ATG7: variants seen among roughly 807,000 people sequenced by gnomAD.
ATG7 encodes the protein autophagy related 7, also known as ubiquitin-like modifier-activating enzyme ATG7.
A neutral mutation model predicts 82.4 loss-of-function variants in ATG7; 70 were observed. That is an observed-to-expected ratio of 0.85 (90% confidence interval 0.70 to 1.04). The LOEUF is 1.04. ATG7 is among the 50% of genes least tolerant of loss of function. The pLI is 0.00. For missense variants in ATG7, 792 were observed against 864.3 expected (o/e 0.92, Z 1.05); for synonymous variants, 287 against 313.0 (o/e 0.92, Z 0.88).
rs10628540 is a variant in ATG7 at position 11,469,988 on chromosome 3, C to CAAAAAAAAAAA, written c.2079+43073_2079+43083dup. On this transcript the variant is annotated intron_variant, in intron 20 of 20. Transcript: ENST00000693202. ...TGGGTGACGGAACGAGACTCCATCT[C>CAAAAAAAAAAA]AAAAAAAAAAAAAAAAAAAAAGAGA... Among the ~76,000 whole-genome samples, 344 of 87,476 alleles carry CAAAAAAAAAAA rather than the reference C, an allele frequency of 3.9e-3. 19 individuals carry two copies. Among genetic ancestry groups the CAAAAAAAAAAA allele is most frequent in the African/African-American group, 0.014 (297 of 20,884 alleles). The allele number at this position is 87,476 out of a possible 152,430, so 57.4% of individuals were successfully genotyped here.
intron 18 of ATG7, among the ~76,000 whole-genome samples, chr3:11,370,382 T>G (rs1215642595): frequency 6.6e-6 from 1 of 151,176 alleles, no homozygotes; most frequent in Non-Finnish European, 1.5e-5. Context: ...GCTGAAGCTC[T>G]TAGCTGAAAC....
At chr3:11,357,775 C>G (rs747375924) in intron 14 of ATG7, among the ~76,000 whole-genome samples, 4 of 151,788 alleles carry the variant, frequency 2.6e-5, no homozygotes, top group Admixed American at 2.6e-4. Flanking sequence ...CTTTGGAGGC[C>G]GAATCAGGAG....
chr3:11,568,495 C>T, the ATG7 span: 4,252 of 1,433,266 alleles, frequency 3.0e-3, 109 homozygotes, highest in African/African-American at 0.049. This position sits in a 1 kb window ranked among gnomAD's most constrained non-coding sequence, Gnocchi z 5.9. Context: ...AAAGACAGTC[C>T]GTGGAACACA....
At chr3:11,536,159 C>G (rs1378892492) in intron 20 of ATG7, among the ~76,000 whole-genome samples, 1 of 152,186 alleles carries the variant, frequency 6.6e-6, no homozygotes, top group Non-Finnish European at 1.5e-5. Flanking sequence ...AAGGACTGCC[C>G]CCGGGCCAGG....
chr3:11,551,460 C>G (rs1003837265), intron 20 of ATG7, among the ~76,000 whole-genome samples: 4 of 152,250 alleles, frequency 2.6e-5, no homozygotes, highest in African/African-American at 9.6e-5. Flanking sequence ...TCTATCTACT[C>G]CAGTTTACGT....
intron 3 of ATG7, among the ~76,000 whole-genome samples, chr3:11,289,497 C>T (rs1281565214): frequency 1.3e-5 from 2 of 152,230 alleles, no homozygotes; most frequent in African/African-American, 4.8e-5. Flanking sequence ...GTTTCAGCAG[C>T]TCAACATCAA....
chr3:11,456,393 C>T (rs2085716953), intron 20 of ATG7, among the ~76,000 whole-genome samples: 1 of 152,148 alleles, frequency 6.6e-6, no homozygotes, highest in Non-Finnish European at 1.5e-5. Context: ...AGTTGGTAGG[C>T]ATCTGGATTG....
chr3:11,449,878 T>G (rs759709137), intron 20 of ATG7, among the ~76,000 whole-genome samples: 1 of 152,230 alleles, frequency 6.6e-6, no homozygotes, highest in Non-Finnish European at 1.5e-5. Context: ...CGTTTTCATT[T>G]TGAGTTGTCT....
chr3:11,555,471 C>G lies in ATG7; in HGVS notation c.*628C>G, dbSNP rs2072316271. The stretch of plus-strand genomic sequence containing the variant: ...CATGGCTTTCTGCCTCCCAGCCTGT[C>G]CTCCACTGTGGGCATAGCATCTGTG... On this transcript the variant is annotated 3_prime_UTR_variant, in exon 21 of 21. Transcript: ENST00000693202. 1 of 152,888 alleles carries G rather than the reference C, an allele frequency of 6.5e-6. No homozygotes were observed. Among genetic ancestry groups the G allele is most frequent in the African/African-American group, 2.4e-5 (1 of 41,416 alleles). The allele number at this position is 152,888 out of a possible 1,614,324, so 9.5% of individuals were successfully genotyped here.
rs578150919 is a variant in ATG7, at chr3:11,355,137, C to T, written c.1285-3281C>T. Among the ~76,000 whole-genome samples, 28 of 152,292 alleles carry T rather than the reference C, an allele frequency of 1.8e-4. No individual in the cohort carries two copies. The South Asian group carries it at 3.5e-3, about 19-fold the overall frequency. ...CTGTGTGTACTCACAGCACGACTCT[C>T]GTCAGACCAGGCAAAAACACACTAC... On this transcript the variant is annotated intron_variant, in intron 14 of 20. Transcript: ENST00000693202.
downstream of ATG7, among the ~76,000 whole-genome samples, chr3:11,562,436 C>T (rs1417041917): frequency 6.6e-6 from 1 of 152,202 alleles, no homozygotes; most frequent in Non-Finnish European, 1.5e-5. Flanking sequence ...AGGGCTGCAG[C>T]ATGCGTCCTG....
At chr3:11,515,418 C>G (rs1477618908) in intron 20 of ATG7, among the ~76,000 whole-genome samples, 1 of 152,194 alleles carries the variant, frequency 6.6e-6, no homozygotes, top group Non-Finnish European at 1.5e-5. Context: ...ATTGTCCTGC[C>G]TCAGCCACCT....
At chr3:11,274,622 A>G (rs904453879) in intron 1 of ATG7, among the ~76,000 whole-genome samples, 1 of 152,126 alleles carries the variant, frequency 6.6e-6, no homozygotes, top group African/African-American at 2.4e-5. Context: ...GGCCCTGTGG[A>G]CAATAGCATG....
chr3:11,326,491 G>A lies in ATG7; in HGVS notation c.679-4849G>A, dbSNP rs939843867. Among the ~76,000 whole-genome samples the A allele has an allele frequency of 5.7e-4, 86 of 152,140 alleles. 1 individual carries two copies. Among genetic ancestry groups the A allele is most frequent in the Non-Finnish European group, 7.4e-5 (5 of 67,992 alleles). ...TTTTTTGTATTTTTAGTAGAGATGG[G>A]GTTTCACTGTGTTAGCCAGGATGGT... is the stretch of plus-strand genomic sequence containing the variant. On this transcript the variant is annotated intron_variant, in intron 9 of 20. Coordinates refer to ENST00000693202, the MANE Select transcript of ATG7 (RefSeq NM_001349232.2).
At chr3:11,504,611 T>C (rs1357063228) in intron 20 of ATG7, among the ~76,000 whole-genome samples, 1 of 152,228 alleles carries the variant, frequency 6.6e-6, no homozygotes, top group African/African-American at 2.4e-5. Context: ...TAAGATGAAA[T>C]GGCTTGAATA....
chr3:11,497,357 C>CTATATA (rs58838386), intron 20 of ATG7, among the ~76,000 whole-genome samples: 4,182 of 57,060 alleles, frequency 0.073, 308 homozygotes, highest in East Asian at 0.24. Flanking sequence ...ACTAAAAATA[C>CTATATA]TATATATATA....
At chr3:11,310,506 A>G (rs1948476642) in intron 7 of ATG7, among the ~76,000 whole-genome samples, 1 of 152,220 alleles carries the variant, frequency 6.6e-6, no homozygotes, top group Non-Finnish European at 1.5e-5. Context: ...CAAGGAACAC[A>G]TTTTCTAACA....
chr3:11,374,991 C>T lies in ATG7; in HGVS notation c.1876-4981C>T, dbSNP rs113264764. Among the ~76,000 whole-genome samples, 854 of 150,128 alleles carry T rather than the reference C, an allele frequency of 5.7e-3. 9 individuals carry two copies. Among genetic ancestry groups the T allele is most frequent in the African/African-American group, 0.019 (771 of 40,672 alleles). ...GCCAAGGTGGGAGGATCGCTTGAGC[C>T]CTGAGTCCAAGACCAGCATGGGCAA... On this transcript the variant is annotated intron_variant, in intron 18 of 20. Transcript: ENST00000693202.
At chr3:11,465,832 A>T (rs2153005547) in intron 20 of ATG7, among the ~76,000 whole-genome samples, 1 of 152,252 alleles carries the variant, frequency 6.6e-6, no homozygotes, top group African/African-American at 2.4e-5. Flanking sequence ...TATAAAAATT[A>T]AAAACCCAGG....
Sources: gnomAD v4.1 joint callset for allele counts (sites outside exome capture counted in the v4.1 genomes callset) on GRCh38, gnomAD v4.1.1 for gene constraint, Gnocchi (gnomAD v3.1) non-coding constraint, MANE v1.5 for transcripts, NCBI Gene and HGNC (gene_info 2026-07-23, HGNC 2026-07-21) for gene names.